The following PAX3 variants were observed in gnomAD, a reference collection of about 807,000 sequenced individuals.
PAX3 encodes the protein paired box protein Pax-3.
PAX3 carries 14 observed loss-of-function variants against 51.6 expected under a neutral mutation model. The ratio of observed to expected loss-of-function variants is 0.27; its 90% confidence interval spans 0.18 to 0.42. The LOEUF (loss-of-function observed/expected upper bound fraction) is 0.42, where lower values mean the gene tolerates loss of function less well. Among genes scored for constraint, PAX3 ranks in the 10% least tolerant of loss-of-function variants. The pLI is 1.00. For synonymous variants in PAX3, 280 were observed against 253.4 expected (o/e 1.11, Z -1.00); for missense variants, 540 against 642.8 (o/e 0.84, Z 1.73).
rs886055676 is a variant in PAX3, at chr2:222,298,569, G to A, written c.47C>T (p.Pro16Leu). 1.2e-6 allele frequency: 2 copies of A among 1,607,988 alleles called. No homozygotes were observed. The highest frequency in any genetic ancestry group is 1.6e-4 in the Middle Eastern group (1 of 6,074). ...GAVPRMMRPG[P>L]GQNYPRSGFP... Reference sequence around the variant, plus strand: ...CCCGCTACGCGGGTAGTTCTGCCCCGGGCCCGGCCGCATCATCCTGGGCAC... The same window carrying A: ...CCCGCTACGCGGGTAGTTCTGCCCCAGGCCCGGCCGCATCATCCTGGGCAC... The change falls in exon 1 of 9, where the codon CCG (proline) becomes CTG (leucine). Residue 16 changes from proline to leucine, a missense_variant. Coordinates refer to ENST00000392070, the MANE Select transcript of PAX3 (RefSeq NM_181458.4).
intron 4 of PAX3, among the ~76,000 whole-genome samples, chr2:222,245,376 A>G (rs918321913): frequency 1.3e-5 from 2 of 152,220 alleles, no homozygotes; most frequent in Non-Finnish European, 2.9e-5. Flanking sequence ...GTCTACTGAT[A>G]TGGATCTGCA....
chr2:222,291,387 C>A (rs1029505579), intron 4 of PAX3, among the ~76,000 whole-genome samples: 1 of 152,182 alleles, frequency 6.6e-6, no homozygotes, highest in African/African-American at 2.4e-5. Flanking sequence ...TCATGCTTAG[C>A]GCGCGCCCGT....
chr2:222,209,696 C>CAAAAAAAAAAAAAAAAAAAAAAAA (rs546468709), intron 7 of PAX3, among the ~76,000 whole-genome samples: 1 of 61,348 alleles, frequency 1.6e-5, no homozygotes, highest in African/African-American at 6.6e-5. Flanking sequence ...TCTGTCTCTA[C>CAAAAAAAAAAAAAAAAAAAAAAAA]AAAAAAAAAA....
chr2:222,248,310 A>G (rs1693301236), intron 4 of PAX3, among the ~76,000 whole-genome samples: 1 of 152,186 alleles, frequency 6.6e-6, no homozygotes, highest in East Asian at 1.9e-4. Flanking sequence ...GTGCTTGCCA[A>G]AATGGACCAA....
At chr2:222,237,161 A>C (rs1359489439) in intron 4 of PAX3, among the ~76,000 whole-genome samples, 1 of 152,182 alleles carries the variant, frequency 6.6e-6, no homozygotes, top group East Asian at 1.9e-4. Flanking sequence ...TTAGATACTT[A>C]TCCCACTGTA....
At chr2:222,277,929 T>C in intron 4 of PAX3, among the ~76,000 whole-genome samples, 1 of 123,274 alleles carries the variant, frequency 8.1e-6, no homozygotes, top group African/African-American at 2.9e-5. Context: ...CGAGACTCCA[T>C]CTCAAAAAAA....
Position 222,201,440 on chromosome 2 carries a change from C to T in PAX3, c.1423G>A (p.Ala475Thr). ...GYQYGQYGQS[A>T]FHYLKPDIA is the part of the protein sequence containing the mutation. Reference sequence around the variant, plus strand: ...ATATCTGGCTTGAGATAATGAAAGGCACCTGTAAGGAAACACACGCAGCTT... The same window carrying T: ...ATATCTGGCTTGAGATAATGAAAGGTACCTGTAAGGAAACACACGCAGCTT... The change falls in exon 9 of 9, where the codon GCC (alanine) becomes ACC (threonine). Residue 475 changes from alanine (A) to threonine (T), a missense_variant and splice_region_variant. Transcript: ENST00000392070. The T allele has an allele frequency of 1.9e-6, 3 of 1,614,062 alleles. No individual in the cohort carries two copies. The highest frequency in any genetic ancestry group is 2.2e-5 in the East Asian group (1 of 44,858).
chr2:222,279,196 C>T (rs548265920), intron 4 of PAX3, among the ~76,000 whole-genome samples: 21 of 152,260 alleles, frequency 1.4e-4, no homozygotes, highest in African/African-American at 3.9e-4. Flanking sequence ...TCAAGTGATC[C>T]GACCGCCTGG....
rs1695411917 is a variant in PAX3 at position 222,298,272 on chromosome 2, A to G, written c.85+259T>C. On this transcript the variant is annotated intron_variant, in intron 1 of 8. Transcript: ENST00000392070. ...CTCCTTCTCCACCGCGGCATTTCCA[A>G]AACAACAGGGACAAGTCTCCCCGGC... 9.6e-6 allele frequency: 5 copies of G among 518,978 alleles called. No homozygotes were observed. In the South Asian group the frequency reaches 1.1e-4, roughly 11 times the overall value. 32.1% of individuals were successfully genotyped at this position (518,978 alleles called of 1,614,324 possible).
chr2:222,213,470 G>A (rs897480938), intron 7 of PAX3, among the ~76,000 whole-genome samples: 12 of 152,096 alleles, frequency 7.9e-5, no homozygotes, highest in Admixed American at 2.6e-4. Flanking sequence ...AAATGGGCTC[G>A]TTTATGATCA....
At chr2:222,293,102 C>T (rs1440305800) in intron 4 of PAX3, among the ~76,000 whole-genome samples, 2 of 152,170 alleles carry the variant, frequency 1.3e-5, no homozygotes, top group Non-Finnish European at 2.9e-5. Context: ...CGGCTGTGAG[C>T]CCACCTGGAA....
At position 222,280,410 on chromosome 2, in the gene PAX3, GAAA is replaced by G. The variant is rs745529133; in HGVS notation, c.586+13754_586+13756del. On this transcript the variant is annotated intron_variant, in intron 4 of 8. Coordinates refer to ENST00000392070, the MANE Select transcript of PAX3 (RefSeq NM_181458.4). ...AAGGAAGGAAAAAGAAAGAAAGAAA[GAAA>G]AAAGAAAGAAAGAAAGGAAGGAAGG... 8.8e-4 allele frequency among the ~76,000 whole-genome samples: 111 copies of G among 125,520 alleles called. 1 individual carries two copies. The highest frequency in any genetic ancestry group is 1.6e-3 in the Non-Finnish European group (88 of 55,128). 82.3% of individuals were successfully genotyped at this position (125,520 alleles called of 152,430 possible).
chr2:222,247,783 GA>G (rs909136047), intron 4 of PAX3, among the ~76,000 whole-genome samples: 4 of 151,542 alleles, frequency 2.6e-5, no homozygotes, highest in South Asian at 2.1e-4. Flanking sequence ...GCCCAGAGAG[GA>G]AAAAAAAATT....
intron 4 of PAX3, among the ~76,000 whole-genome samples, chr2:222,288,676 T>C (rs1321233795): frequency 6.6e-6 from 1 of 152,230 alleles, no homozygotes; most frequent in Non-Finnish European, 1.5e-5. Context: ...TGAGAATCTA[T>C]TTGATGATAA....
intron 4 of PAX3, among the ~76,000 whole-genome samples, chr2:222,286,998 T>C (rs1384295277): frequency 1.3e-5 from 2 of 152,252 alleles, no homozygotes; most frequent in Non-Finnish European, 2.9e-5. Flanking sequence ...CTTGGAAATA[T>C]ACATATTCTC....
chr2:222,282,494 C>A (rs1211442851), intron 4 of PAX3, among the ~76,000 whole-genome samples: 2 of 152,176 alleles, frequency 1.3e-5, no homozygotes, highest in Non-Finnish European at 2.9e-5. Context: ...ACCCCTAGAG[C>A]ATCCGGCAGC....
chr2:222,272,812 G>T (rs974382966), intron 4 of PAX3, among the ~76,000 whole-genome samples: 1 of 152,150 alleles, frequency 6.6e-6, no homozygotes, highest in African/African-American at 2.4e-5. Context: ...GGACAATAAG[G>T]CAGGAAGAAT....
intron 4 of PAX3, among the ~76,000 whole-genome samples, chr2:222,236,448 T>G (rs1358300155): frequency 6.6e-6 from 1 of 152,158 alleles, no homozygotes; most frequent in Admixed American, 6.6e-5. Context: ...TAAGAGCACA[T>G]AGGAGGGCCA....
chr2:222,233,272 G>A (rs778765716), intron 4 of PAX3, among the ~76,000 whole-genome samples: 37 of 152,092 alleles, frequency 2.4e-4, no homozygotes, highest in Non-Finnish European at 4.3e-4. Flanking sequence ...AAACTTGTGT[G>A]TATTTGCCTG....
Sources: allele counts gnomAD v4.1 joint callset (sites outside exome capture counted in the v4.1 genomes callset), GRCh38; gene constraint gnomAD v4.1.1; transcripts MANE v1.5; gene names NCBI Gene and HGNC (gene_info 2026-07-23, HGNC 2026-07-21).